BMP2K: variants seen among roughly 807,000 people sequenced by gnomAD.
BMP2K encodes the protein BMP2 inducible kinase.
A neutral mutation model predicts 116.0 loss-of-function variants in BMP2K; 74 were observed. That is an observed-to-expected ratio of 0.64 (90% CI 0.53 to 0.77). The LOEUF (loss-of-function observed/expected upper bound fraction) is 0.77. BMP2K is among the 30% of genes least tolerant of loss of function. The probability of loss-of-function intolerance (pLI) is 0.00; values close to 1 mark genes in which losing one functional copy is unlikely to be tolerated. For synonymous variants in BMP2K, 486 were observed against 502.5 expected (o/e 0.97, Z 0.44); for missense variants, 1,365 against 1,403.6 (o/e 0.97, Z 0.44).
intron 1 of BMP2K, among the ~76,000 whole-genome samples, chr4:78,807,394 A>G (rs1728870618): frequency 1.3e-5 from 2 of 149,120 alleles, no homozygotes. Flanking sequence ...ATTGGTCTGT[A>G]TTTTTTTTTC....
intron 6 of BMP2K, among the ~76,000 whole-genome samples, chr4:78,849,948 T>C (rs146736720): frequency 3.9e-4 from 59 of 151,796 alleles, no homozygotes; most frequent in African/African-American, 1.4e-3. Flanking sequence ...ACTAAGTTGA[T>C]ATGTGGAGAA....
chr4:78,787,374 A>G (rs1470396404), intron 1 of BMP2K, among the ~76,000 whole-genome samples: 2 of 152,144 alleles, frequency 1.3e-5, no homozygotes, highest in Non-Finnish European at 2.9e-5. Context: ...TATTTCTGTT[A>G]TGGTTATATG....
At chr4:78,798,376 G>C (rs1053706836) in intron 1 of BMP2K, among the ~76,000 whole-genome samples, 1 of 152,194 alleles carries the variant, frequency 6.6e-6, no homozygotes, top group Non-Finnish European at 1.5e-5. Context: ...GAGGTGGGTC[G>C]AAGGGGACAG....
At chr4:78,785,524 CTATT>C (rs1465531996) in intron 1 of BMP2K, among the ~76,000 whole-genome samples, 2 of 152,192 alleles carry the variant, frequency 1.3e-5, no homozygotes, top group Non-Finnish European at 2.9e-5. Flanking sequence ...TTTCAGAATA[CTATT>C]TAGTTTCAGT....
intron 12 of BMP2K, 102 bp downstream of exon 12, chr4:78,872,050 T>A: frequency 1.2e-6 from 1 of 857,420 alleles, no homozygotes; most frequent in Non-Finnish European, 1.8e-6. Flanking sequence ...CAAAATCAAG[T>A]AAGTTAATTG....
intron 1 of BMP2K, among the ~76,000 whole-genome samples, chr4:78,788,552 A>G (rs1188780053): frequency 6.6e-6 from 1 of 152,164 alleles, no homozygotes; most frequent in Non-Finnish European, 1.5e-5. Flanking sequence ...CAAAATGTTT[A>G]TGCAACCCAA....
In BMP2K at chr4:78,861,451, A is replaced by G. The variant is rs775647037; in HGVS notation, c.1050A>G (p.Lys350=). 4 of 1,609,262 alleles carry G rather than the reference A, an allele frequency of 2.5e-6. No homozygotes were observed. The African/African-American group carries it at 5.3e-5, about 22-fold the overall frequency. The change falls in exon 9 of 16, where the codon AAA becomes AAG. Residue 350 remains lysine, a synonymous_variant. Transcript: ENST00000502613. ...PMTASEAAAR[K]SQIKARITDT... ...CTGCTAGTGAAGCAGCTGCTAGGAA[A>G]AGCCAAATAAAAGCCAGGTAGGCAA...
In BMP2K at chr4:78,898,022, G is replaced by A. The variant is rs116521024; in HGVS notation, c.2062+10738G>A. On this transcript the variant is annotated intron_variant, in intron 15 of 15. Coordinates refer to ENST00000502613, the MANE Select transcript of BMP2K (RefSeq NM_198892.2). The stretch of plus-strand genomic sequence containing the variant: ...GATTGGGAAATGAGGAAAGCTTCAT[G>A]AGAAAGATGTTACTTATGGTTAAGC... 4.0e-3 allele frequency among the ~76,000 whole-genome samples: 614 copies of A among 152,300 alleles called. 1 individual carries two copies. The highest frequency in any genetic ancestry group is 0.014 in the African/African-American group (581 of 41,558).
chr4:78,803,980 TATC>T (rs1183005134), intron 1 of BMP2K, among the ~76,000 whole-genome samples: 1 of 152,230 alleles, frequency 6.6e-6, no homozygotes, highest in Non-Finnish European at 1.5e-5. Context: ...ATAATTAACA[TATC>T]ATAAACTTTA....
At position 78,883,059 on chromosome 4, in the gene BMP2K, A is replaced by G. The variant is rs571998036; in HGVS notation, c.1952-4115A>G. On this transcript the variant is annotated intron_variant, in intron 14 of 15. Transcript: ENST00000502613. ...ACTATTTTAATTTCGTGATAATATT[A>G]TGGAATATACTTTGATTCTAGGATT... 2.0e-5 allele frequency among the ~76,000 whole-genome samples: 3 copies of G among 152,222 alleles called. No homozygotes were observed. The South Asian group carries it at 6.2e-4, about 32-fold the overall frequency.
At chr4:78,812,121 C>T (rs571554442) in intron 1 of BMP2K, among the ~76,000 whole-genome samples, 21 of 152,226 alleles carry the variant, frequency 1.4e-4, no homozygotes, top group African/African-American at 5.1e-4. Context: ...GTGTGCACCA[C>T]CACGCCTGGC....
chr4:78,850,963 C>G lies in BMP2K; in HGVS notation c.790C>G (p.Leu264Val). The G allele has an allele frequency of 6.2e-7, 1 of 1,612,264 alleles. No individual in the cohort carries two copies. The highest frequency in any genetic ancestry group is 8.5e-7 in the Non-Finnish European group (1 of 1,178,868). ...CLLYKLCFFT[L>V]PFGESQVAIC... ...ACTCTATAAACTTTGTTTCTTCACT[C>G]TTCCTTTTGGTGAGAGTCAGGTTGC... The change falls in exon 7 of 16, where the codon CTT (leucine) becomes GTT (valine). Residue 264 changes from leucine (L) to valine (V), a missense_variant. Physicochemically the swap from Leu to Val is conservative, Grantham distance 32. Coordinates refer to ENST00000502613, the MANE Select transcript of BMP2K (RefSeq NM_198892.2).
chr4:78,834,059 ATTAAAT>A (rs1414136005), intron 3 of BMP2K, among the ~76,000 whole-genome samples: 1 of 152,166 alleles, frequency 6.6e-6, no homozygotes, highest in Non-Finnish European at 1.5e-5. Flanking sequence ...TATTGTAAAC[ATTAAAT>A]TTAACAAATT....
chr4:78,792,680 T>C (rs906501912), intron 1 of BMP2K, among the ~76,000 whole-genome samples: 1 of 152,170 alleles, frequency 6.6e-6, no homozygotes, highest in African/African-American at 2.4e-5. Context: ...TTTTTTAAAT[T>C]CTGTAATGGA....
chr4:78,832,628 G>T (rs1035988226), intron 2 of BMP2K, among the ~76,000 whole-genome samples: 1 of 152,002 alleles, frequency 6.6e-6, no homozygotes, highest in Non-Finnish European at 1.5e-5. Flanking sequence ...AGATATTATA[G>T]TCTTGTACTT....
intron 15 of BMP2K, among the ~76,000 whole-genome samples, chr4:78,894,392 C>T (rs745531442): frequency 4.6e-5 from 7 of 152,248 alleles, no homozygotes; most frequent in African/African-American, 9.6e-5. Flanking sequence ...TGAAATCTTC[C>T]GGATAACTTG....
intron 7 of BMP2K, among the ~76,000 whole-genome samples, chr4:78,858,958 C>T (rs1006226652): frequency 4.6e-5 from 7 of 151,838 alleles, no homozygotes; most frequent in Non-Finnish European, 1.0e-4. Flanking sequence ...TCAAGCAATG[C>T]TGTAAGGTTG....
rs530103383 is a variant in BMP2K at position 78,860,191 on chromosome 4, G to A, written c.987+504G>A. 7 of 415,628 alleles carry A rather than the reference G, an allele frequency of 1.7e-5. No homozygotes were observed. In the East Asian group the frequency reaches 2.9e-4, roughly 17 times the overall value. The allele number at this position is 415,628 out of a possible 1,614,324, so 25.7% of individuals were successfully genotyped here. A position where few individuals can be genotyped will look rare whatever the true frequency, so the allele number is the denominator to read the frequency against. On this transcript the variant is annotated intron_variant, in intron 8 of 15. Coordinates refer to ENST00000502613, the MANE Select transcript of BMP2K (RefSeq NM_198892.2). ...GTAATAGACATTGGAAGTCAGAAAGGTGGGAAGCGGATGAAGGATGAGAAG... is the reference window on the plus strand; with the variant it reads ...GTAATAGACATTGGAAGTCAGAAAGATGGGAAGCGGATGAAGGATGAGAAG...
At chr4:78,785,195 C>T (rs909631140) in intron 1 of BMP2K, among the ~76,000 whole-genome samples, 2 of 152,182 alleles carry the variant, frequency 1.3e-5, no homozygotes, top group Admixed American at 1.3e-4. Context: ...ACTGCAACCT[C>T]TGCCTCCTGG....
Sources: gnomAD v4.1 joint callset for allele counts (sites outside exome capture counted in the v4.1 genomes callset) on GRCh38, gnomAD v4.1.1 for gene constraint, MANE v1.5 for transcripts, NCBI Gene and HGNC (gene_info 2026-07-23, HGNC 2026-07-21) for gene names.